The following OC90 variants were observed in gnomAD, a reference collection of about 807,000 sequenced individuals.
The protein encoded by OC90 is otoconin 90.
Under a neutral mutation model 47.3 loss-of-function variants are expected in OC90, and 46 were observed. The observed-to-expected ratio is 0.97, with a 90% CI of 0.77 to 1.24. The LOEUF (loss-of-function observed/expected upper bound fraction) is 1.24. Among genes scored for constraint, OC90 ranks in the 50% most tolerant of loss-of-function variants. The pLI, the probability that OC90 is intolerant of heterozygous loss-of-function variation, is 0.00. For synonymous variants in OC90, 271 were observed against 219.5 expected, an observed-to-expected ratio of 1.23 and a Z score of -2.07; for missense variants, 688 against 583.9, an observed-to-expected ratio of 1.18 and a Z score of -1.84.
chr8:132,042,708 C>T (rs553060590), intron 4 of OC90, among the ~76,000 whole-genome samples: 34 of 152,126 alleles, frequency 2.2e-4, no homozygotes, highest in African/African-American at 6.8e-4. Context: ...AAATCCAAAC[C>T]ACAACGAGAC....
chr8:132,048,558 T>C (rs1167847019), intron 2 of OC90, among the ~76,000 whole-genome samples: 1 of 151,514 alleles, frequency 6.6e-6, no homozygotes, highest in Non-Finnish European at 1.5e-5. Flanking sequence ...CTCTAATGAC[T>C]CTATGCAACT....
chr8:132,051,946 C>A (rs1420858419), intron 2 of OC90, among the ~76,000 whole-genome samples: 6 of 152,114 alleles, frequency 3.9e-5, no homozygotes, highest in African/African-American at 1.2e-4. Flanking sequence ...CAATTTTAAA[C>A]TCTTGGCTCA....
intron 6 of OC90, 150 bp from the exon 7 acceptor site, chr8:132,039,273 T>G: frequency 3.5e-6 from 3 of 857,712 alleles, no homozygotes; most frequent in Non-Finnish European, 5.5e-6. Flanking sequence ...CTCTTATCTC[T>G]TTAGGGGTGT....
At chr8:132,041,203 G>T in intron 5 of OC90, 47 bp from the exon 6 acceptor site, 1 of 1,176,402 alleles carries the variant, frequency 8.5e-7, no homozygotes, top group Non-Finnish European at 1.3e-6. Context: ...GGGTTAGAGT[G>T]AGGGAGGGCA....
At chr8:132,050,092 T>C (rs1285918909) in intron 2 of OC90, among the ~76,000 whole-genome samples, 1 of 152,124 alleles carries the variant, frequency 6.6e-6, no homozygotes, top group African/African-American at 2.4e-5. Context: ...AAAGCCTCAT[T>C]TTTCTGTTGG....
intron 2 of OC90, among the ~76,000 whole-genome samples, chr8:132,053,923 C>A (rs748635902): frequency 5.9e-5 from 9 of 152,240 alleles, no homozygotes; most frequent in Non-Finnish European, 1.2e-4. Flanking sequence ...AACATGGAAG[C>A]TGCTCCCCGT....
intron 2 of OC90, among the ~76,000 whole-genome samples, chr8:132,046,500 T>G (rs970536208): frequency 1.3e-5 from 2 of 152,138 alleles, no homozygotes; most frequent in Admixed American, 1.3e-4. Context: ...AACAATAGTG[T>G]CCTAGTACTA....
At position 132,041,682 on chromosome 8, in the gene OC90, AG is replaced by A. The variant is rs1429524122; in HGVS notation, c.186del (p.Phe63SerfsTer14). The A allele has an allele frequency of 2.2e-6, 2 of 892,332 alleles. No individual in the cohort carries two copies. Among genetic ancestry groups the A allele is most frequent in the African/African-American group, 4.1e-5 (2 of 49,180 alleles). 55.3% of individuals were successfully genotyped at this position (892,332 alleles called of 1,614,324 possible). Reference sequence around the variant, plus strand: ...GTGAAGACAGCCTGCAGCCAGGTGAAGTGGGGGCCCAGGCAATCTGTGGGGG... The same window carrying A: ...GTGAAGACAGCCTGCAGCCAGGTGAATGGGGGCCCAGGCAATCTGTGGGGG... Reference protein sequence around the residue: ...VAEIFDCLGPHFTWLQAVFTN... With the variant: ...VAEIFDCLGPXFTWLQAVFTN... On this transcript the variant is annotated frameshift_variant, in exon 5 of 14. Transcript: ENST00000254627. LOFTEE classifies it high-confidence loss of function.
intron 2 of OC90, among the ~76,000 whole-genome samples, chr8:132,054,048 C>G (rs1411290667): frequency 6.6e-6 from 1 of 152,208 alleles, no homozygotes; most frequent in African/African-American, 2.4e-5. Flanking sequence ...ACTGGGGCAG[C>G]CATGAGAAGG....
At position 132,038,812 on chromosome 8, in the gene OC90, G is replaced by A; in HGVS notation, c.606C>T (p.Asp202=). The part of the protein sequence containing the change: ...AQTPETTIKE[D]LTTLLPRVVP... The stretch of plus-strand genomic sequence containing the variant: ...TACCTCTGGGCAGAAGTGTTGTCAA[G>A]TCTTCCTTGATGGTTGTCTCTGAAA... The change falls in exon 8 of 14, where the codon GAC becomes GAT. Residue 202 remains aspartate (D), a synonymous_variant. Transcript: ENST00000254627. The A allele has an allele frequency of 6.2e-7, 1 of 1,613,896 alleles. No individual in the cohort carries two copies. Among genetic ancestry groups the A allele is most frequent in the Non-Finnish European group, 8.5e-7 (1 of 1,179,822 alleles).
At position 132,049,426 on chromosome 8, in the gene OC90, G is replaced by A. The variant is rs968974868; in HGVS notation, c.47-3543C>T. ...GGATCTCACGCAATTCAAAACTTGC[G>A]TCCTTTATGTTTTCACAGTGGATAA... On this transcript the variant is annotated intron_variant, in intron 2 of 13. Transcript: ENST00000254627. Among the ~76,000 whole-genome samples, 7 of 152,274 alleles carry A rather than the reference G, an allele frequency of 4.6e-5. No homozygotes were observed. The South Asian group carries it at 6.2e-4, about 14-fold the overall frequency.
chr8:132,058,324 C>A (rs982332336), intron 1 of OC90, among the ~76,000 whole-genome samples: 1 of 152,174 alleles, frequency 6.6e-6, no homozygotes, highest in African/African-American at 2.4e-5. Context: ...GGAGGAAAGA[C>A]CTCCTTCTCC....
chr8:132,028,060 C>A (rs1267547761), intron 13 of OC90, among the ~76,000 whole-genome samples: 1 of 152,138 alleles, frequency 6.6e-6, no homozygotes, highest in African/African-American at 2.4e-5. Flanking sequence ...ATTCTGTTAA[C>A]ATACATTAAG....
intron 2 of OC90, among the ~76,000 whole-genome samples, chr8:132,046,270 T>C (rs1327794184): frequency 4.0e-5 from 6 of 149,632 alleles, no homozygotes. Context: ...AAGGAGTTTA[T>C]ATAATAATAG....
chr8:132,039,613 CAT>C (rs1823024151), intron 6 of OC90, among the ~76,000 whole-genome samples: 1 of 152,162 alleles, frequency 6.6e-6, no homozygotes, highest in Admixed American at 6.5e-5. Flanking sequence ...GGAAACGTCA[CAT>C]GATTGCTCCC....
chr8:132,035,289 T>C (rs1456629701), intron 9 of OC90, among the ~76,000 whole-genome samples: 9 of 152,232 alleles, frequency 5.9e-5, no homozygotes, highest in African/African-American at 2.2e-4. Flanking sequence ...TTGACAGTTA[T>C]TAAGCTCCTA....
chr8:132,041,764 C>T (rs1286166459), intron 4 of OC90, 65 bp from the exon 5 acceptor site: 2 of 923,774 alleles, frequency 2.2e-6, no homozygotes, highest in Non-Finnish European at 3.4e-6. Context: ...CGTCCCTGTC[C>T]CCTGGACTTC....
At chr8:132,032,115 G>A (rs1447352812) in intron 11 of OC90, 63 bp from the exon 12 acceptor site, 17 of 1,462,552 alleles carry the variant, frequency 1.2e-5, no homozygotes, top group Non-Finnish European at 1.5e-5. Flanking sequence ...CAACAGGAAG[G>A]CCATGTGAGC....
intron 1 of OC90, among the ~76,000 whole-genome samples, chr8:132,058,098 A>G (rs1401237966): frequency 6.6e-6 from 1 of 152,226 alleles, no homozygotes; most frequent in Non-Finnish European, 1.5e-5. Context: ...AGCAGGTGAC[A>G]GCTTCCTTGC....
Sources: gnomAD v4.1 joint callset for allele counts (sites outside exome capture counted in the v4.1 genomes callset) on GRCh38, gnomAD v4.1.1 for gene constraint, MANE v1.5 for transcripts, NCBI Gene and HGNC (gene_info 2026-07-23, HGNC 2026-07-21) for gene names.